COX7B2: variants seen among roughly 807,000 people sequenced by gnomAD.
The protein encoded by COX7B2 is cytochrome c oxidase subunit 7B2, also known as cytochrome c oxidase subunit 7B2, mitochondrial.
For synonymous variants in COX7B2, 37 were observed against 32.1 expected (o/e 1.15, Z -0.51); for missense variants, 109 against 95.9 (o/e 1.14, Z -0.57).
intron 2 of COX7B2, among the ~76,000 whole-genome samples, chr4:46,837,791 A>G (rs765450743): frequency 6.6e-6 from 1 of 152,082 alleles, no homozygotes; most frequent in Non-Finnish European, 1.5e-5. Flanking sequence ...GTGTGTTCCT[A>G]TACTGCCTTA....
intron 2 of COX7B2, among the ~76,000 whole-genome samples, chr4:46,805,065 G>A (rs1052147068): frequency 6.6e-6 from 1 of 152,156 alleles, no homozygotes; most frequent in Non-Finnish European, 1.5e-5. Context: ...TGGGGCTGGC[G>A]GGGCTGGCCA....
At chr4:46,747,187 T>C (rs1715070058) in intron 2 of COX7B2, among the ~76,000 whole-genome samples, 2 of 152,194 alleles carry the variant, frequency 1.3e-5, no homozygotes, top group African/African-American at 4.8e-5. Context: ...TTATTTTTCC[T>C]AATCCTCTCC....
chr4:46,897,161 A>G (rs1719813894), intron 1 of COX7B2, among the ~76,000 whole-genome samples: 1 of 152,228 alleles, frequency 6.6e-6, no homozygotes, highest in African/African-American at 2.4e-5. Context: ...AGAACCAGGA[A>G]CAAACAGGGT....
chr4:46,812,055 G>A (rs1221800676), intron 2 of COX7B2, among the ~76,000 whole-genome samples: 2 of 152,126 alleles, frequency 1.3e-5, no homozygotes, highest in Non-Finnish European at 1.5e-5. Context: ...GGTCTGATAT[G>A]GCTTTCAAGC....
intron 1 of COX7B2, among the ~76,000 whole-genome samples, chr4:46,881,473 T>C (rs1398347731): frequency 6.6e-6 from 1 of 152,064 alleles, no homozygotes; most frequent in Non-Finnish European, 1.5e-5. Flanking sequence ...TTGAATAAAA[T>C]GGAAGGCGGC....
intron 2 of COX7B2, among the ~76,000 whole-genome samples, chr4:46,800,635 T>G (rs1718608499): frequency 6.6e-6 from 1 of 152,152 alleles, no homozygotes; most frequent in African/African-American, 2.4e-5. Context: ...AAGTAAAACC[T>G]AAAACTATAA....
intron 2 of COX7B2, among the ~76,000 whole-genome samples, chr4:46,744,738 ATT>A (rs773481406): frequency 2.3e-4 from 29 of 124,612 alleles, no homozygotes; most frequent in Non-Finnish European, 2.3e-4. Context: ...AGATATTTTA[ATT>A]TTTTTTTTTT....
chr4:46,894,527 T>A (rs976953227), intron 1 of COX7B2, among the ~76,000 whole-genome samples: 1 of 152,116 alleles, frequency 6.6e-6, no homozygotes, highest in African/African-American at 2.4e-5. Flanking sequence ...CCCAAAACTC[T>A]AAAAGCTCTG....
At chr4:46,763,469 G>A (rs1355694792) in intron 2 of COX7B2, among the ~76,000 whole-genome samples, 2 of 151,532 alleles carry the variant, frequency 1.3e-5, no homozygotes, top group Non-Finnish European at 2.9e-5. Context: ...ACATTTTCCA[G>A]AGGACTACAT....
chr4:46,810,199 G>A (rs753074592), intron 2 of COX7B2, among the ~76,000 whole-genome samples: 10 of 151,984 alleles, frequency 6.6e-5, no homozygotes, highest in Non-Finnish European at 1.3e-4. Flanking sequence ...GCCACTCTGT[G>A]TTGAATGTAA....
At chr4:46,776,153 G>A (rs1717141477) in intron 2 of COX7B2, among the ~76,000 whole-genome samples, 1 of 152,012 alleles carries the variant, frequency 6.6e-6, no homozygotes, top group Admixed American at 6.6e-5. Context: ...GGGCAGTGGA[G>A]GATTATCTAG....
At chr4:46,801,573 AGAGT>A (rs1222795490) in intron 2 of COX7B2, among the ~76,000 whole-genome samples, 2 of 152,150 alleles carry the variant, frequency 1.3e-5, no homozygotes, top group African/African-American at 4.8e-5. Context: ...TTGAAGGGAG[AGAGT>A]GAGAGTAGGG....
chr4:46,792,985 A>G (rs757191645), intron 2 of COX7B2, among the ~76,000 whole-genome samples: 2 of 152,212 alleles, frequency 1.3e-5, no homozygotes, highest in Non-Finnish European at 2.9e-5. Context: ...AGTTCCAACC[A>G]CAAGCAAGAT....
At chr4:46,769,224 G>T (rs1716729286) in intron 2 of COX7B2, among the ~76,000 whole-genome samples, 3 of 152,082 alleles carry the variant, frequency 2.0e-5, no homozygotes, top group African/African-American at 7.2e-5. Flanking sequence ...CTCATTTTAT[G>T]ATGTAATATT....
At chr4:46,858,399 C>T (rs1717133387) in intron 1 of COX7B2, among the ~76,000 whole-genome samples, 1 of 152,146 alleles carries the variant, frequency 6.6e-6, no homozygotes, top group South Asian at 2.1e-4. Context: ...TTGGCCACAT[C>T]GCTTATATTT....
chr4:46,777,256 G>T (rs1415027832), intron 2 of COX7B2, among the ~76,000 whole-genome samples: 3 of 152,040 alleles, frequency 2.0e-5, no homozygotes, highest in African/African-American at 4.8e-5. Context: ...TGAATGAAAT[G>T]CTTTTAAAAA....
At chr4:46,779,502 C>A (rs569494442) in intron 2 of COX7B2, among the ~76,000 whole-genome samples, 2 of 152,130 alleles carry the variant, frequency 1.3e-5, no homozygotes, top group Non-Finnish European at 2.9e-5. Flanking sequence ...TATTTAATAT[C>A]TTTTCAAAAT....
chr4:46,820,743 C>A (rs555668914), intron 2 of COX7B2, among the ~76,000 whole-genome samples: 157 of 151,142 alleles, frequency 1.0e-3, no homozygotes, highest in African/African-American at 3.6e-3. Flanking sequence ...ATCACTGGAA[C>A]CTGGGAGGCA....
chr4:46,865,960 T>C (rs1188940554), intron 1 of COX7B2, among the ~76,000 whole-genome samples: 1 of 152,170 alleles, frequency 6.6e-6, no homozygotes, highest in Non-Finnish European at 1.5e-5. Flanking sequence ...CCTCCACCAC[T>C]GTTATCTGGA....
Sources: gnomAD v4.1 joint callset for allele counts (sites outside exome capture counted in the v4.1 genomes callset) on GRCh38, gnomAD v4.1.1 for gene constraint, MANE v1.5 for transcripts, NCBI Gene and HGNC (gene_info 2026-07-23, HGNC 2026-07-21) for gene names.